DDX10: variants seen among roughly 807,000 people sequenced by gnomAD.
The protein encoded by DDX10 is probable ATP-dependent RNA helicase DDX10.
DDX10 carries 74 observed loss-of-function variants against 104.3 expected under a neutral mutation model. That is an observed-to-expected ratio of 0.71 (90% CI 0.59 to 0.86). The LOEUF (loss-of-function observed/expected upper bound fraction) is 0.86, where lower values mean the gene tolerates loss of function less well. Among genes scored for constraint, DDX10 ranks in the 40% least tolerant of loss-of-function variants. The pLI is 0.00. For missense variants in DDX10, 952 were observed against 1,040.0 expected, an observed-to-expected ratio of 0.92 and a Z score of 1.16; for synonymous variants, 351 against 353.4, an observed-to-expected ratio of 0.99 and a Z score of 0.08.
intron 1 of DDX10, among the ~76,000 whole-genome samples, chr11:108,666,063 A>C (rs1341045883): frequency 6.6e-6 from 1 of 152,164 alleles, no homozygotes; most frequent in African/African-American, 2.4e-5. Flanking sequence ...CCCAACCTCC[A>C]GACTCCACAG....
intron 13 of DDX10, among the ~76,000 whole-genome samples, chr11:108,756,681 T>C (rs1268250946): frequency 6.6e-6 from 1 of 152,082 alleles, no homozygotes; most frequent in Non-Finnish European, 1.5e-5. Context: ...AGATTTTAGG[T>C]TGGCTTCTTT....
At position 108,679,633 on chromosome 11, in the gene DDX10, T is replaced by C. The variant is rs144573233; in HGVS notation, c.848+73T>C. The C allele has an allele frequency of 1.4e-4, 160 of 1,144,380 alleles. No individual in the cohort carries two copies. The East Asian group carries it at 3.4e-3, about 24-fold the overall frequency. 70.9% of individuals were successfully genotyped at this position (1,144,380 alleles called of 1,614,324 possible). On this transcript the variant is annotated intron_variant, in intron 6 of 17. Coordinates refer to ENST00000322536, the MANE Select transcript of DDX10 (RefSeq NM_004398.4). ...GTTTAGGGATTTGGTATTTTAAATA[T>C]CTGTTTTCTGGGAATTAAGACATTC...
At chr11:108,878,286 A>T (rs1863179094) in intron 16 of DDX10, among the ~76,000 whole-genome samples, 1 of 152,206 alleles carries the variant, frequency 6.6e-6, no homozygotes, top group Non-Finnish European at 1.5e-5. Flanking sequence ...CTCAGCTGAG[A>T]TGCACTGAAG....
At chr11:108,867,376 A>C (rs1307546329) in intron 16 of DDX10, among the ~76,000 whole-genome samples, 1 of 152,204 alleles carries the variant, frequency 6.6e-6, no homozygotes, top group Non-Finnish European at 1.5e-5. Context: ...TGAACTTTGA[A>C]GAGTAAGCCA....
At chr11:108,779,311 G>T (rs1178395678) in intron 13 of DDX10, among the ~76,000 whole-genome samples, 1 of 152,138 alleles carries the variant, frequency 6.6e-6, no homozygotes, top group Non-Finnish European at 1.5e-5. Flanking sequence ...TGATAAACTG[G>T]ATTAAGAAAA....
intron 1 of DDX10, 34 bp from the exon 2 acceptor site, chr11:108,673,433 T>G: frequency 6.8e-5 from 97 of 1,429,800 alleles, no homozygotes; most frequent in Non-Finnish European, 8.7e-5. Flanking sequence ...GTGAAACAAA[T>G]GAGTTACCCT....
chr11:108,874,174 C>A (rs551065782), intron 16 of DDX10, among the ~76,000 whole-genome samples: 2 of 151,820 alleles, frequency 1.3e-5, no homozygotes, highest in Non-Finnish European at 2.9e-5. Context: ...ACTGGACTTA[C>A]GGGAAAAAAA....
intron 13 of DDX10, among the ~76,000 whole-genome samples, chr11:108,725,979 T>A (rs2094304907): frequency 6.6e-6 from 1 of 151,972 alleles, no homozygotes; most frequent in African/African-American, 2.4e-5. Context: ...AGGGTCAAGG[T>A]ACACTTTTTT....
At chr11:108,915,219 G>T (rs1863731454) in intron 16 of DDX10, among the ~76,000 whole-genome samples, 1 of 152,146 alleles carries the variant, frequency 6.6e-6, no homozygotes, top group South Asian at 2.1e-4. Context: ...ATGGTCAACT[G>T]TTATGATAAA....
At chr11:108,894,499 G>A (rs994466318) in intron 16 of DDX10, among the ~76,000 whole-genome samples, 2 of 151,888 alleles carry the variant, frequency 1.3e-5, no homozygotes, top group South Asian at 2.1e-4. Flanking sequence ...TGTGTAATTC[G>A]GATGAATTAA....
intron 13 of DDX10, among the ~76,000 whole-genome samples, chr11:108,813,471 T>C (rs1862214719): frequency 2.0e-5 from 3 of 152,242 alleles, no homozygotes; most frequent in Admixed American, 2.0e-4. Context: ...GGAAAATTTA[T>C]CTTTTGCTTC....
chr11:108,733,105 C>G (rs919697923), intron 13 of DDX10, among the ~76,000 whole-genome samples: 8 of 150,276 alleles, frequency 5.3e-5, no homozygotes, highest in Non-Finnish European at 1.2e-4. Context: ...TTGATTTAGT[C>G]CTACTTTTTT....
intron 16 of DDX10, among the ~76,000 whole-genome samples, chr11:108,915,891 G>A (rs1444241038): frequency 1.3e-5 from 2 of 149,746 alleles, no homozygotes; most frequent in Non-Finnish European, 3.0e-5. Context: ...ATGCAGAGCG[G>A]ATTTGAGAAT....
intron 13 of DDX10, among the ~76,000 whole-genome samples, chr11:108,778,112 A>G (rs2094372600): frequency 6.6e-6 from 1 of 152,224 alleles, no homozygotes. Flanking sequence ...GAAGATGGCC[A>G]TACTGCCCAA....
chr11:108,908,139 C>G (rs1863621618), intron 16 of DDX10, among the ~76,000 whole-genome samples: 1 of 152,034 alleles, frequency 6.6e-6, no homozygotes, highest in Non-Finnish European at 1.5e-5. Flanking sequence ...AATTTAGTGC[C>G]TAGGATTTAT....
intron 16 of DDX10, among the ~76,000 whole-genome samples, chr11:108,864,322 C>G (rs1185831306): frequency 2.6e-5 from 4 of 151,996 alleles, no homozygotes; most frequent in Non-Finnish European, 5.9e-5. Flanking sequence ...GGGTAGGGGA[C>G]TTACTTACAT....
At chr11:108,679,786 A>C (rs1050253968) in intron 6 of DDX10, among the ~76,000 whole-genome samples, 2 of 152,188 alleles carry the variant, frequency 1.3e-5, no homozygotes, top group African/African-American at 4.8e-5. Context: ...GAGGGGAACA[A>C]ATGTTTTTCC....
chr11:108,691,779 G>A (rs113143585), intron 7 of DDX10, 97 bp from the exon 8 acceptor site: 2 of 1,027,150 alleles, frequency 1.9e-6, no homozygotes, highest in South Asian at 2.6e-5. Flanking sequence ...GTATCACATT[G>A]CTCTGCTGTT....
chr11:108,852,008 A>G, intron 15 of DDX10, 145 bp from the exon 16 acceptor site: 3 of 633,260 alleles, frequency 4.7e-6, no homozygotes, highest in Non-Finnish European at 8.2e-6. Context: ...ACTTGTGCCA[A>G]TCCCATAGTA....
Sources: allele counts gnomAD v4.1 joint callset (sites outside exome capture counted in the v4.1 genomes callset), GRCh38; gene constraint gnomAD v4.1.1; transcripts MANE v1.5; gene names NCBI Gene and HGNC (gene_info 2026-07-23, HGNC 2026-07-21).